The following MAML3 variants were observed in gnomAD, a reference collection of about 807,000 sequenced individuals.
MAML3 encodes mastermind-like protein 3.
A neutral mutation model predicts 101.9 loss-of-function variants in MAML3; 27 were observed. That is an observed-to-expected ratio of 0.27 (90% confidence interval 0.20 to 0.37). The LOEUF (loss-of-function observed/expected upper bound fraction) is 0.37, where lower values mean the gene tolerates loss of function less well. Ranked by LOEUF, MAML3 falls within the 10% of genes least tolerant of loss-of-function variation. MAML3 has a pLI of 1.00. For missense variants in MAML3, 1,316 were observed against 1,444.9 expected, an observed-to-expected ratio of 0.91 and a Z score of 1.45; for synonymous variants, 501 against 555.9, an observed-to-expected ratio of 0.90 and a Z score of 1.39.
intron 1 of MAML3, among the ~76,000 whole-genome samples, chr4:140,048,400 T>C (rs947254081): frequency 2.0e-5 from 3 of 151,978 alleles, no homozygotes; most frequent in Non-Finnish European, 2.9e-5. Context: ...GAGAAATTTA[T>C]TGGGAACCTA....
intron 1 of MAML3, among the ~76,000 whole-genome samples, chr4:140,054,105 C>G (rs1967575): frequency 0.2 from 29,781 of 152,120 alleles, 3,249 homozygotes; most frequent in Middle Eastern, 0.24. Context: ...CGCAGTGGCT[C>G]ACGCCTGTAA....
intron 2 of MAML3, among the ~76,000 whole-genome samples, chr4:139,842,762 CTTTTTTTTTTTTT>C (rs71584337): frequency 9.7e-4 from 30 of 30,948 alleles, no homozygotes; most frequent in African/African-American, 2.1e-3. Flanking sequence ...ATCCGCTTGC[CTTTTTTTTTTTTT>C]TTTTTTTTTT....
chr4:140,000,649 A>G (rs1189991920), intron 1 of MAML3, among the ~76,000 whole-genome samples: 1 of 152,176 alleles, frequency 6.6e-6, no homozygotes, highest in Admixed American at 6.5e-5. Context: ...GGAGAAGAAG[A>G]ATGGCGGTGG....
At chr4:139,961,910 T>C (rs532232731) in intron 1 of MAML3, among the ~76,000 whole-genome samples, 1 of 152,166 alleles carries the variant, frequency 6.6e-6, no homozygotes, top group African/African-American at 2.4e-5. Flanking sequence ...GCTCAGGAGT[T>C]CAAGACCAGC....
intron 1 of MAML3, among the ~76,000 whole-genome samples, chr4:139,925,049 T>A (rs945714758): frequency 1.3e-5 from 2 of 152,138 alleles, no homozygotes; most frequent in African/African-American, 4.8e-5. Flanking sequence ...TGATTTCAGC[T>A]TCCTTTAGAA....
intron 1 of MAML3, among the ~76,000 whole-genome samples, chr4:139,993,969 T>C (rs912807573): frequency 4.6e-5 from 7 of 152,250 alleles, no homozygotes; most frequent in Admixed American, 3.9e-4. Flanking sequence ...AGATGTTTCA[T>C]AGTTTTAACT....
chr4:139,858,458 T>A (rs199785175), intron 2 of MAML3, among the ~76,000 whole-genome samples: 1 of 10,806 alleles, frequency 9.3e-5, no homozygotes, highest in Admixed American at 6.9e-4. Context: ...TTGGCTTTTT[T>A]TTTTTTTTTT....
intron 1 of MAML3, among the ~76,000 whole-genome samples, chr4:140,069,600 G>GGAA (rs1176497947): frequency 2.2e-5 from 3 of 137,434 alleles, no homozygotes; most frequent in Non-Finnish European, 3.1e-5. Flanking sequence ...AAGAGGAGGA[G>GGAA]GAAGAAGAAG....
chr4:140,050,607 C>T (rs1378888204), intron 1 of MAML3, among the ~76,000 whole-genome samples: 1 of 152,158 alleles, frequency 6.6e-6, no homozygotes, highest in African/African-American at 2.4e-5. Context: ...TTTCTCTCTG[C>T]TCTGGGCTAA....
chr4:139,941,341 A>G (rs1295801498), intron 1 of MAML3, among the ~76,000 whole-genome samples: 1 of 152,236 alleles, frequency 6.6e-6, no homozygotes, highest in African/African-American at 2.4e-5. Flanking sequence ...CCATGGACTC[A>G]TCCACTGATG....
intron 1 of MAML3, among the ~76,000 whole-genome samples, chr4:139,984,094 TG>T (rs1734493858): frequency 6.6e-6 from 1 of 151,908 alleles, no homozygotes; most frequent in African/African-American, 2.4e-5. Context: ...GGTCCACAGA[TG>T]GGATGAGTTT....
intron 2 of MAML3, among the ~76,000 whole-genome samples, chr4:139,844,992 C>CT (rs1477403076): frequency 6.6e-6 from 1 of 151,878 alleles, no homozygotes; most frequent in Non-Finnish European, 1.5e-5. Context: ...CTCTCTCTGT[C>CT]TGTCTCTCTC....
chr4:139,962,136 T>A (rs546827914), intron 1 of MAML3, among the ~76,000 whole-genome samples: 1 of 151,896 alleles, frequency 6.6e-6, no homozygotes, highest in South Asian at 2.1e-4. Context: ...TTTTTTTTTT[T>A]AAAGTTAGAC....
chr4:139,759,043 T>C (rs1272440692), intron 2 of MAML3, among the ~76,000 whole-genome samples: 3 of 152,168 alleles, frequency 2.0e-5, no homozygotes, highest in African/African-American at 4.8e-5. Flanking sequence ...AAAATGAACA[T>C]CATGTACTTG....
intron 1 of MAML3, among the ~76,000 whole-genome samples, chr4:139,942,442 A>G (rs551682976): frequency 6.6e-6 from 1 of 152,260 alleles, no homozygotes; most frequent in African/African-American, 2.4e-5. Flanking sequence ...TACTGCAGTA[A>G]GTTCTCTGTG....
chr4:139,972,558 A>AAAAGGGG (rs1734249943), intron 1 of MAML3, among the ~76,000 whole-genome samples: 1 of 152,218 alleles, frequency 6.6e-6, no homozygotes, highest in Non-Finnish European at 1.5e-5. Flanking sequence ...TCAAGCCACT[A>AAAAGGGG]AAATAGTTGC....
intron 2 of MAML3, among the ~76,000 whole-genome samples, chr4:139,768,236 G>A (rs1729904634): frequency 6.7e-6 from 1 of 149,612 alleles, no homozygotes; most frequent in African/African-American, 2.5e-5. Context: ...GTGTGTGTGT[G>A]TGTGTGTGTG....
In MAML3 at chr4:139,719,611, C is replaced by T. The variant is rs773213665; in HGVS notation, c.3129G>A (p.Ala1043=). ...SLPGQQGTSQ[A]RPMVMSGLSQ... is the part of the protein sequence containing the mutation. ...TCAGGCCAGACATGACCATTGGCCT[C>T]GCCTGGCTGGTGCCTTGCTGCCCCG... Residue 1043 remains alanine, a synonymous_variant, in exon 5 of 5, where the codon GCG becomes GCA. Transcript: ENST00000509479. 55 of 1,612,578 alleles carry T rather than the reference C, an allele frequency of 3.4e-5. No individual in the cohort carries two copies. The highest frequency in any genetic ancestry group is 1.6e-4 in the Middle Eastern group (1 of 6,084).
chr4:140,122,728 C>T (rs1181641105), intron 1 of MAML3, among the ~76,000 whole-genome samples: 2 of 143,958 alleles, frequency 1.4e-5, no homozygotes, highest in African/African-American at 5.2e-5. Flanking sequence ...GGAGGCGGAG[C>T]TTGCAGTGAG....
Sources: allele counts gnomAD v4.1 joint callset (sites outside exome capture counted in the v4.1 genomes callset), GRCh38; gene constraint gnomAD v4.1.1; transcripts MANE v1.5; gene names NCBI Gene and HGNC (gene_info 2026-07-23, HGNC 2026-07-21).